Variants in GLP1R observed in about 807,000 individuals in gnomAD.
GLP1R encodes the protein glucagon-like peptide 1 receptor.
In GLP1R, 32 loss-of-function variants were observed where a neutral mutation model predicts 68.4. The ratio of observed to expected loss-of-function variants is 0.47; its 90% CI spans 0.35 to 0.63. GLP1R has a LOEUF of 0.63. GLP1R is among the 20% of genes least tolerant of loss of function. The pLI, the probability that GLP1R is intolerant of heterozygous loss-of-function variation, is 0.00. For synonymous variants in GLP1R, 263 were observed against 244.4 expected (o/e 1.08, Z -0.71); for missense variants, 502 against 594.9 (o/e 0.84, Z 1.62).
chr6:39,057,995 CT>C (rs1475530481), intron 3 of GLP1R, among the ~76,000 whole-genome samples: 1 of 152,196 alleles, frequency 6.6e-6, no homozygotes. Context: ...TTTAGGCCTC[CT>C]AGTGAGTGGT....
chr6:39,088,919 G>A lies in GLP1R; in HGVS notation c.*2846G>A, dbSNP rs1769214435. ...CACAACACTAGAGGGTGGTTGAGCT[G>A]GGCCAGGACCCAGACAAGCCCTTTT... On this transcript the variant is annotated 3_prime_UTR_variant, in exon 13 of 13. Coordinates refer to ENST00000373256, the MANE Select transcript of GLP1R (RefSeq NM_002062.5). Among the ~76,000 whole-genome samples the A allele has an allele frequency of 6.6e-6, 1 of 152,190 alleles. No homozygotes were observed. The highest frequency in any genetic ancestry group is 1.5e-5 in the Non-Finnish European group (1 of 68,032).
In GLP1R at chr6:39,089,478, C is replaced by T. The variant is rs1453113442; in HGVS notation, c.*3405C>T. 6.6e-6 allele frequency among the ~76,000 whole-genome samples: 1 copy of T among 152,180 alleles called. No homozygotes were observed. The highest frequency in any genetic ancestry group is 1.5e-5 in the Non-Finnish European group (1 of 68,036). On this transcript the variant is annotated 3_prime_UTR_variant, in exon 13 of 13. Coordinates refer to ENST00000373256, the MANE Select transcript of GLP1R (RefSeq NM_002062.5). This position sits in a 1 kb window ranked among gnomAD's most constrained non-coding sequence, Gnocchi z 4.1. ...CCACAAAGGGCAAATGGAGTCAACT[C>T]CCTTCCATGCTCTGAAGGTCTTGGC...
chr6:39,065,581 C>A, intron 3 of GLP1R, 130 bp from the exon 4 acceptor site: 1 of 609,290 alleles, frequency 1.6e-6, no homozygotes, highest in Non-Finnish European at 2.9e-6. Flanking sequence ...AAAAGGATGT[C>A]ACTAACTCAG....
intron 7 of GLP1R, 74 bp from the exon 8 acceptor site, chr6:39,078,248 G>T: frequency 1.9e-6 from 2 of 1,055,420 alleles, no homozygotes; most frequent in Admixed American, 1.7e-5. Context: ...TTGGGGCAGG[G>T]AGAGGCCTCG....
At chr6:39,073,997 G>A (rs768696042) in intron 7 of GLP1R, among the ~76,000 whole-genome samples, 5 of 152,142 alleles carry the variant, frequency 3.3e-5, no homozygotes, top group South Asian at 2.1e-4. Flanking sequence ...AGCCTCCACC[G>A]CATGTGGCCA....
chr6:39,056,446 G>T lies in GLP1R; in HGVS notation c.128G>T (p.Arg43Leu). ...ACGGTGCAGAAATGGCGAGAATACC[G>T]ACGCCAGTGCCAGCGCTCCCTGACT... ...WETVQKWREY[R>L]RQCQRSLTED... Residue 43 changes from arginine (R) to leucine (L), a missense_variant, in exon 2 of 13, where the codon CGA (arginine) becomes CTA (leucine). Coordinates refer to ENST00000373256, the MANE Select transcript of GLP1R (RefSeq NM_002062.5). 1.2e-6 allele frequency: 2 copies of T among 1,610,550 alleles called. No individual in the cohort carries two copies. The highest frequency in any genetic ancestry group is 2.2e-5 in the East Asian group (1 of 44,852).
chr6:39,066,168 T>C (rs202174588), intron 4 of GLP1R, 29 bp from the exon 5 acceptor site: 5 of 1,241,836 alleles, frequency 4.0e-6, no homozygotes, highest in Non-Finnish European at 4.7e-6. Flanking sequence ...GGGCTGCCCA[T>C]GTACACGTAT....
rs189698850 is a variant in GLP1R at position 39,058,442 on chromosome 6, G to A, written c.283+863G>A. Among the ~76,000 whole-genome samples, 344 of 152,176 alleles carry A rather than the reference G, an allele frequency of 2.3e-3. 1 individual carries two copies. The highest frequency in any genetic ancestry group is 7.3e-3 in the African/African-American group (304 of 41,548). On this transcript the variant is annotated intron_variant, in intron 3 of 12. Transcript: ENST00000373256. ...AAGATGTGACTGGGTAGGTGGGAAG[G>A]TCATTTCATTGGGGGTACAGAGATT...
chr6:39,083,956 T>G (rs1207353488), intron 12 of GLP1R, among the ~76,000 whole-genome samples: 2 of 152,134 alleles, frequency 1.3e-5, no homozygotes. Context: ...TTAAAACACA[T>G]GTACTGAGCA....
At chr6:39,077,307 CCAGCTGT>C (rs1768857300) in intron 7 of GLP1R, among the ~76,000 whole-genome samples, 1 of 152,336 alleles carries the variant, frequency 6.6e-6, no homozygotes, top group African/African-American at 2.4e-5. Flanking sequence ...AGAGAAGCAG[CCAGCTGT>C]CACCAGGGTT....
intron 1 of GLP1R, among the ~76,000 whole-genome samples, chr6:39,054,307 G>A (rs1404249483): frequency 6.6e-6 from 1 of 152,034 alleles, no homozygotes; most frequent in Non-Finnish European, 1.5e-5. Flanking sequence ...ACGAGGCGTG[G>A]GAGAGGCCAG....
intron 7 of GLP1R, among the ~76,000 whole-genome samples, chr6:39,076,731 A>G (rs1032707276): frequency 2.6e-5 from 4 of 152,046 alleles, no homozygotes; most frequent in African/African-American, 9.7e-5. Context: ...ATGCTTACCT[A>G]TCTCAGACAC....
rs1007517105 is a variant in GLP1R at position 39,091,023 on chromosome 6, A to G, written c.*4950A>G. Among the ~76,000 whole-genome samples the G allele has an allele frequency of 9.2e-5, 14 of 152,172 alleles. No individual in the cohort carries two copies. The highest frequency in any genetic ancestry group is 2.9e-4 in the African/African-American group (12 of 41,446). On this transcript the variant is annotated 3_prime_UTR_variant, in exon 13 of 13. Coordinates refer to ENST00000373256, the MANE Select transcript of GLP1R (RefSeq NM_002062.5). ...ATCCCATCGGTTCTGGAGGGATTTG[A>G]TGCAAACCTTTAAATGCACCAACAG... is the stretch of plus-strand genomic sequence containing the variant.
chr6:39,059,957 C>T (rs1313857195), intron 3 of GLP1R, among the ~76,000 whole-genome samples: 1 of 152,204 alleles, frequency 6.6e-6, no homozygotes, highest in Non-Finnish European at 1.5e-5. Context: ...ATAACGGCCA[C>T]TGCACAGGCC....
chr6:39,083,453 T>C (rs1220409526), intron 12 of GLP1R, among the ~76,000 whole-genome samples: 1 of 152,162 alleles, frequency 6.6e-6, no homozygotes, highest in Non-Finnish European at 1.5e-5. Context: ...TGAATATTGG[T>C]TCTGTGTGGC....
rs946217228 is a variant in GLP1R, at chr6:39,089,642, G to C, written c.*3569G>C. On this transcript the variant is annotated 3_prime_UTR_variant, in exon 13 of 13. Coordinates refer to ENST00000373256, the MANE Select transcript of GLP1R (RefSeq NM_002062.5). This position sits in a 1 kb window ranked among gnomAD's most constrained non-coding sequence, Gnocchi z 4.1. ...TGTGTGTGTGTATGTGTGTGCATGT[G>C]TGTGTGCATGTTTCTTCTGTGCATA... 6.6e-6 allele frequency among the ~76,000 whole-genome samples: 1 copy of C among 152,174 alleles called. No homozygotes were observed. The highest frequency in any genetic ancestry group is 2.4e-5 in the African/African-American group (1 of 41,442).
rs201634613 is a variant in GLP1R at position 39,057,555 on chromosome 6, T to C, written c.259T>C (p.Trp87Arg). The C allele has an allele frequency of 2.2e-5, 35 of 1,608,072 alleles. No homozygotes were observed. Among genetic ancestry groups the C allele is most frequent in the Non-Finnish European group, 2.8e-5 (33 of 1,176,476 alleles). The change falls in exon 3 of 13, where the codon TGG becomes CGG. Residue 87 changes from tryptophan to arginine, a missense_variant. Coordinates refer to ENST00000373256, the MANE Select transcript of GLP1R (RefSeq NM_002062.5). ...CTCGTTCGTGAATGTCAGCTGCCCC[T>C]GGTACCTGCCCTGGGCCAGCAGTGG... ...PGSFVNVSCP[W>R]YLPWASSVPQ...
intron 5 of GLP1R, among the ~76,000 whole-genome samples, chr6:39,071,882 A>G (rs1431502662): frequency 4.6e-5 from 7 of 152,206 alleles, no homozygotes; most frequent in Non-Finnish European, 7.3e-5. Flanking sequence ...GAGTCTTTCT[A>G]TCTGTGAATG....
At chr6:39,072,521 A>G (rs1475665498) in intron 5 of GLP1R, among the ~76,000 whole-genome samples, 2 of 152,234 alleles carry the variant, frequency 1.3e-5, no homozygotes, top group Non-Finnish European at 2.9e-5. Flanking sequence ...GGCCCTGTCA[A>G]CAAGAAGCAG....
Sources: allele counts gnomAD v4.1 joint callset (sites outside exome capture counted in the v4.1 genomes callset), GRCh38; gene constraint gnomAD v4.1.1; non-coding constraint Gnocchi (gnomAD v3.1); transcripts MANE v1.5; gene names NCBI Gene and HGNC (gene_info 2026-07-23, HGNC 2026-07-21).